The following DOCK2 variants were observed in gnomAD, a reference collection of about 807,000 sequenced individuals.
The protein encoded by DOCK2 is dedicator of cytokinesis 2.
Under a neutral mutation model 248.9 loss-of-function variants are expected in DOCK2, and 87 were observed. The observed-to-expected ratio is 0.35, with a 90% confidence interval of 0.29 to 0.42. The LOEUF (loss-of-function observed/expected upper bound fraction) is 0.42, where lower values mean the gene tolerates loss of function less well. Ranked by LOEUF, DOCK2 falls within the 10% of genes least tolerant of loss-of-function variation. The pLI is 1.00. For missense variants in DOCK2, 1,747 were observed against 2,300.2 expected, an observed-to-expected ratio of 0.76 and a Z score of 4.92; for synonymous variants, 805 against 821.6, an observed-to-expected ratio of 0.98 and a Z score of 0.35.
In DOCK2 at chr5:169,699,744, C is replaced by T. The variant is rs140489120; in HGVS notation, c.1133-270C>T. On this transcript the variant is annotated intron_variant, in intron 12 of 51. Transcript: ENST00000520908. ...ACCTTGTTTGATTTCTTTCTTAATC[C>T]AGGCCTGAGAGATAGGTGTTGTCAT... is the stretch of plus-strand genomic sequence containing the variant. Among the ~76,000 whole-genome samples, 742 of 152,254 alleles carry T rather than the reference C, an allele frequency of 4.9e-3. 5 individuals are homozygous for T. Among genetic ancestry groups the T allele is most frequent in the African/African-American group, 0.017 (716 of 41,542 alleles).
chr5:170,023,124 AG>A (rs1230576589), intron 33 of DOCK2, among the ~76,000 whole-genome samples: 2 of 152,094 alleles, frequency 1.3e-5, no homozygotes, highest in African/African-American at 4.8e-5. Context: ...CTGGTTGGCT[AG>A]ATGCAGATTG....
At chr5:169,957,547 A>G (rs959007209) in intron 27 of DOCK2, among the ~76,000 whole-genome samples, 1 of 152,182 alleles carries the variant, frequency 6.6e-6, no homozygotes, top group African/African-American at 2.4e-5. Flanking sequence ...GCTCCAGGTC[A>G]CAGGTGGGAC....
intron 27 of DOCK2, among the ~76,000 whole-genome samples, chr5:169,898,263 C>T (rs1773723235): frequency 6.6e-6 from 1 of 152,180 alleles, no homozygotes; most frequent in African/African-American, 2.4e-5. Flanking sequence ...GGTCTCCTTT[C>T]TCATGGGGGC....
At chr5:169,672,433 C>T (rs893202995) in intron 5 of DOCK2, among the ~76,000 whole-genome samples, 9 of 152,164 alleles carry the variant, frequency 5.9e-5, no homozygotes, top group African/African-American at 1.2e-4. Context: ...TCTAGTACTT[C>T]GGTATCACAT....
chr5:169,743,457 C>A (rs1763436674), intron 22 of DOCK2, among the ~76,000 whole-genome samples: 1 of 152,176 alleles, frequency 6.6e-6, no homozygotes, highest in African/African-American at 2.4e-5. Context: ...CAAATAATCA[C>A]TTCTGTGCTT....
chr5:169,741,149 G>C (rs1763283198), intron 22 of DOCK2, among the ~76,000 whole-genome samples: 5 of 152,158 alleles, frequency 3.3e-5, no homozygotes, highest in Admixed American at 3.3e-4. Flanking sequence ...GAGTAAGACA[G>C]CTAACTCTCA....
At chr5:169,864,526 C>T in intron 27 of DOCK2, 1 of 1,214,262 alleles carries the variant, frequency 8.2e-7, no homozygotes, top group Non-Finnish European at 1.1e-6. Context: ...AAGCATCTCT[C>T]AGCCCCAACT....
chr5:169,843,716 C>T (rs1028302145), intron 27 of DOCK2, among the ~76,000 whole-genome samples: 1 of 152,172 alleles, frequency 6.6e-6, no homozygotes, highest in African/African-American at 2.4e-5. Flanking sequence ...TCTTTCCCTC[C>T]TCTCACCAAC....
chr5:169,978,386 TGTG>T (rs1236957957), intron 27 of DOCK2, among the ~76,000 whole-genome samples: 21 of 16,716 alleles, frequency 1.3e-3, no homozygotes, highest in African/African-American at 5.1e-3. Context: ...TGTGTGTGTG[TGTG>T]TGTGGGGGGG....
chr5:169,836,174 C>T (rs1769573589), intron 26 of DOCK2, among the ~76,000 whole-genome samples: 1 of 152,170 alleles, frequency 6.6e-6, no homozygotes, highest in Admixed American at 6.5e-5. Context: ...AAGTAGATTT[C>T]TCAAATTATT....
At chr5:169,910,325 C>T (rs1317369740) in intron 27 of DOCK2, among the ~76,000 whole-genome samples, 1 of 152,130 alleles carries the variant, frequency 6.6e-6, no homozygotes, top group Non-Finnish European at 1.5e-5. Flanking sequence ...TCTTTTGAGC[C>T]CTGTAATTAG....
intron 27 of DOCK2, among the ~76,000 whole-genome samples, chr5:169,866,375 G>A (rs11134594): frequency 2.0e-5 from 3 of 152,198 alleles, no homozygotes; most frequent in Non-Finnish European, 4.4e-5. Context: ...TGAGATCTTG[G>A]GGAAGTCATT....
chr5:169,663,472 G>A (rs949038897), intron 2 of DOCK2, among the ~76,000 whole-genome samples: 21 of 152,222 alleles, frequency 1.4e-4, no homozygotes, highest in Non-Finnish European at 2.1e-4. Flanking sequence ...CTGCTGCACT[G>A]CCCTAGTAGA....
intron 27 of DOCK2, among the ~76,000 whole-genome samples, chr5:169,896,669 A>G (rs555610182): frequency 5.9e-5 from 9 of 151,976 alleles, no homozygotes; most frequent in African/African-American, 1.9e-4. Flanking sequence ...CATCATTATT[A>G]TTATCAAAGT....
chr5:169,828,436 T>TGTCA (rs1428333913), intron 26 of DOCK2, among the ~76,000 whole-genome samples: 1 of 152,152 alleles, frequency 6.6e-6, no homozygotes, highest in African/African-American at 2.4e-5. Flanking sequence ...CTGCCTGACT[T>TGTCA]GGAAGGGATT....
At chr5:169,765,642 A>G (rs1248523963) in intron 25 of DOCK2, among the ~76,000 whole-genome samples, 1 of 152,238 alleles carries the variant, frequency 6.6e-6, no homozygotes, top group Non-Finnish European at 1.5e-5. Context: ...TAGGATCCAC[A>G]TTGCTAGAGA....
At position 169,637,360 on chromosome 5, in the gene DOCK2, C is replaced by A; in HGVS notation, c.34C>A (p.His12Asn). The change falls in exon 1 of 52, where the codon CAC becomes AAC. Residue 12 changes from histidine (H) to asparagine (N), a missense_variant. Physicochemically the swap from His to Asn is moderately conservative, Grantham distance 68. Transcript: ENST00000520908. ...APWRKADKER[H>N]GVAIYNFQGS... Reference sequence around the variant, plus strand: ...CTGGCGCAAAGCTGACAAGGAGCGGCACGGCGTGGGTAGGTGCGGGCCCCA... The same window carrying A: ...CTGGCGCAAAGCTGACAAGGAGCGGAACGGCGTGGGTAGGTGCGGGCCCCA... The A allele has an allele frequency of 7.0e-7, 1 of 1,430,194 alleles. No homozygotes were observed. The highest frequency in any genetic ancestry group is 9.2e-7 in the Non-Finnish European group (1 of 1,092,810). The allele number at this position is 1,430,194 out of a possible 1,614,324, so 88.6% of individuals were successfully genotyped here. A position where few individuals can be genotyped will look rare whatever the true frequency, so the allele number is the denominator to read the frequency against.
intron 27 of DOCK2, among the ~76,000 whole-genome samples, chr5:169,846,477 C>T (rs1242501730): frequency 6.6e-6 from 1 of 152,124 alleles, no homozygotes; most frequent in Non-Finnish European, 1.5e-5. Context: ...AGTACCCTTT[C>T]ATCCTCTCTT....
intron 27 of DOCK2, among the ~76,000 whole-genome samples, chr5:169,858,152 G>A (rs1046077662): frequency 6.6e-6 from 1 of 152,218 alleles, no homozygotes; most frequent in Admixed American, 6.5e-5. Context: ...GGTGGTACAT[G>A]ATGGAGATAC....
Sources: allele counts gnomAD v4.1 joint callset (sites outside exome capture counted in the v4.1 genomes callset), GRCh38; gene constraint gnomAD v4.1.1; transcripts MANE v1.5; gene names NCBI Gene and HGNC (gene_info 2026-07-23, HGNC 2026-07-21).